CHCHD6: variants seen among roughly 807,000 people sequenced by gnomAD.
The protein encoded by CHCHD6 is coiled-coil-helix-coiled-coil-helix domain containing 6, also known as MICOS complex subunit MIC25.
Under a neutral mutation model 32.3 loss-of-function variants are expected in CHCHD6, and 28 were observed. That is an observed-to-expected ratio of 0.87 (90% confidence interval 0.64 to 1.19). The LOEUF (loss-of-function observed/expected upper bound fraction) is 1.19. Ranked by LOEUF, CHCHD6 falls within the 50% of genes most tolerant of loss-of-function variation. The pLI, the probability that CHCHD6 is intolerant of heterozygous loss-of-function variation, is 0.00. For missense variants in CHCHD6, 333 were observed against 307.0 expected (o/e 1.08, Z -0.63); for synonymous variants, 122 against 117.5 (o/e 1.04, Z -0.25).
At chr3:126,822,082 A>G (rs1940177963) in intron 4 of CHCHD6, among the ~76,000 whole-genome samples, 1 of 152,076 alleles carries the variant, frequency 6.6e-6, no homozygotes, top group South Asian at 2.1e-4. Context: ...CAACTTACCT[A>G]TTTTTTCTTT....
chr3:126,773,636 C>A lies in CHCHD6; in HGVS notation c.411+40414C>A, dbSNP rs182783004. ...TTTTTTTTTTTTTTTTGAGACAGAGCGTCAGAGTCGCCTAGGCGAAGTGCA... is the reference window on the plus strand; with the variant it reads ...TTTTTTTTTTTTTTTTGAGACAGAGAGTCAGAGTCGCCTAGGCGAAGTGCA... On this transcript the variant is annotated intron_variant, in intron 4 of 7. Transcript: ENST00000290913. Among the ~76,000 whole-genome samples the A allele has an allele frequency of 4.6e-3, 595 of 129,624 alleles. 3 individuals carry two copies. Among genetic ancestry groups the A allele is most frequent in the Non-Finnish European group, 7.3e-3 (472 of 64,684 alleles). 85.0% of individuals were successfully genotyped at this position (129,624 alleles called of 152,430 possible).
At chr3:126,828,361 T>G (rs890433842) in intron 4 of CHCHD6, among the ~76,000 whole-genome samples, 1 of 152,244 alleles carries the variant, frequency 6.6e-6, no homozygotes, top group Non-Finnish European at 1.5e-5. Context: ...CCCTGTTTTT[T>G]GTCCTGACTG....
At chr3:126,709,425 G>A (rs971026211) in intron 1 of CHCHD6, among the ~76,000 whole-genome samples, 1 of 152,304 alleles carries the variant, frequency 6.6e-6, no homozygotes, top group African/African-American at 2.4e-5. Flanking sequence ...TGTGAGTAAC[G>A]CTGCTATGAA....
intron 4 of CHCHD6, among the ~76,000 whole-genome samples, chr3:126,802,066 A>C (rs1404710524): frequency 6.6e-6 from 1 of 152,228 alleles, no homozygotes; most frequent in Non-Finnish European, 1.5e-5. Flanking sequence ...GCATCTGTAC[A>C]TCACCATCAT....
intron 1 of CHCHD6, among the ~76,000 whole-genome samples, chr3:126,721,320 C>A (rs142846442): frequency 6.6e-6 from 1 of 152,226 alleles, no homozygotes; most frequent in Non-Finnish European, 1.5e-5. Context: ...GGCAGGCGCA[C>A]GGTCTCTTCC....
intron 5 of CHCHD6, among the ~76,000 whole-genome samples, chr3:126,865,118 TTCCTCC>T (rs1313207230): frequency 1.2e-5 from 1 of 81,844 alleles, no homozygotes; most frequent in Non-Finnish European, 2.4e-5. Flanking sequence ...CCTCCACTTC[TTCCTCC>T]TCCTCCTCCT....
chr3:126,812,257 T>C (rs1939686885), intron 4 of CHCHD6, among the ~76,000 whole-genome samples: 2 of 145,700 alleles, frequency 1.4e-5, no homozygotes, highest in African/African-American at 2.5e-5. Context: ...AGGTGTAGAT[T>C]TGGTTTTCCT....
At position 126,842,810 on chromosome 3, in the gene CHCHD6, C is replaced by CTTT. The variant is rs63135461; in HGVS notation, c.412-9820_412-9818dup. The stretch of plus-strand genomic sequence containing the variant: ...CTGTCCTTTTCATTGCACTGAAATT[C>CTTT]TTTTTTTTTTTTTTTTTTTGGTGGG... On this transcript the variant is annotated intron_variant, in intron 4 of 7. Coordinates refer to ENST00000290913, the MANE Select transcript of CHCHD6 (RefSeq NM_032343.3). Among the ~76,000 whole-genome samples, 286 of 94,628 alleles carry CTTT rather than the reference C, an allele frequency of 3.0e-3. 4 individuals carry two copies. Among genetic ancestry groups the CTTT allele is most frequent in the Non-Finnish European group, 4.1e-3 (181 of 43,730 alleles). 62.1% of individuals were successfully genotyped at this position (94,628 alleles called of 152,430 possible).
chr3:126,891,897 C>T (rs1462876691), intron 5 of CHCHD6, among the ~76,000 whole-genome samples: 3 of 152,076 alleles, frequency 2.0e-5, no homozygotes, highest in South Asian at 2.1e-4. Flanking sequence ...AGAGCTGCGA[C>T]GGTGGCCCCG....
intron 4 of CHCHD6, among the ~76,000 whole-genome samples, chr3:126,752,787 C>T (rs892680792): frequency 2.0e-5 from 3 of 152,320 alleles, no homozygotes; most frequent in Non-Finnish European, 2.9e-5. Context: ...TTCTCCTCCT[C>T]ATCCAGAAAG....
intron 4 of CHCHD6, among the ~76,000 whole-genome samples, chr3:126,831,060 T>C (rs1464611850): frequency 6.6e-6 from 1 of 151,774 alleles, no homozygotes; most frequent in African/African-American, 2.4e-5. Context: ...GTCTCACTCT[T>C]TTGCTCAGGC....
intron 4 of CHCHD6, among the ~76,000 whole-genome samples, chr3:126,832,035 G>GA (rs146503431): frequency 4.6e-5 from 7 of 151,562 alleles, no homozygotes; most frequent in Admixed American, 2.6e-4. Context: ...TAAAGAAGAG[G>GA]AAAAAAAAGG....
intron 5 of CHCHD6, among the ~76,000 whole-genome samples, chr3:126,910,281 A>AAAAAAC (rs1553756165): frequency 2.0e-5 from 3 of 151,464 alleles, no homozygotes; most frequent in Non-Finnish European, 1.5e-5. Context: ...AGGAAAAAAA[A>AAAAAAC]AAAAACAAAA....
At chr3:126,716,287 C>T (rs897945000) in intron 1 of CHCHD6, among the ~76,000 whole-genome samples, 8 of 152,348 alleles carry the variant, frequency 5.3e-5, no homozygotes, top group East Asian at 1.9e-4. Context: ...CCCTCCCTTC[C>T]GTGCCTTTGC....
intron 5 of CHCHD6, among the ~76,000 whole-genome samples, chr3:126,881,644 G>T (rs1364636338): frequency 6.6e-6 from 1 of 152,194 alleles, no homozygotes; most frequent in African/African-American, 2.4e-5. Flanking sequence ...CAGAGTTAGT[G>T]CTGAGGGGAT....
intron 4 of CHCHD6, among the ~76,000 whole-genome samples, chr3:126,812,486 C>T (rs994721712): frequency 5.9e-5 from 9 of 151,728 alleles, no homozygotes; most frequent in East Asian, 3.9e-4. Context: ...TGCAGTGGCG[C>T]GATCTCGGCT....
chr3:126,858,836 C>T (rs1296865396), intron 5 of CHCHD6, among the ~76,000 whole-genome samples: 3 of 152,202 alleles, frequency 2.0e-5, no homozygotes, highest in Non-Finnish European at 2.9e-5. Flanking sequence ...AACCCTGTGT[C>T]AGGTGCTGTG....
chr3:126,924,405 T>TCA (rs765592599), intron 6 of CHCHD6, among the ~76,000 whole-genome samples: 1 of 152,192 alleles, frequency 6.6e-6, no homozygotes, highest in Non-Finnish European at 1.5e-5. Context: ...ATATATATAT[T>TCA]CACACACACA....
chr3:126,806,529 A>G (rs910164068), intron 4 of CHCHD6, among the ~76,000 whole-genome samples: 3 of 152,208 alleles, frequency 2.0e-5, no homozygotes, highest in Non-Finnish European at 4.4e-5. Context: ...AATGGCAATC[A>G]TTAAAAAGTC....
Sources: gnomAD v4.1 joint callset for allele counts (sites outside exome capture counted in the v4.1 genomes callset) on GRCh38, gnomAD v4.1.1 for gene constraint, MANE v1.5 for transcripts, NCBI Gene and HGNC (gene_info 2026-07-23, HGNC 2026-07-21) for gene names.